SV2C: variants seen among roughly 807,000 people sequenced by gnomAD.
The protein encoded by SV2C is synaptic vesicle glycoprotein 2C, also known as solute carrier family 22 member B3.
In SV2C, 49 loss-of-function variants were observed where a neutral mutation model predicts 79.7. That is an observed-to-expected ratio of 0.61 (90% confidence interval 0.49 to 0.78). SV2C has a LOEUF of 0.78. SV2C is among the 30% of genes least tolerant of loss of function. The pLI, the probability that SV2C is intolerant of heterozygous loss-of-function variation, is 0.00. For synonymous variants in SV2C, 334 were observed against 333.2 expected (o/e 1.00, Z -0.03); for missense variants, 833 against 912.9 (o/e 0.91, Z 1.13).
chr5:76,219,352 TC>T (rs1745000903), intron 4 of SV2C, among the ~76,000 whole-genome samples: 1 of 152,240 alleles, frequency 6.6e-6, no homozygotes, highest in African/African-American at 2.4e-5. Flanking sequence ...GCTTCCGATT[TC>T]CTTCAGTGAT....
intron 2 of SV2C, among the ~76,000 whole-genome samples, chr5:76,134,571 C>T (rs1264640862): frequency 6.6e-6 from 1 of 152,128 alleles, no homozygotes; most frequent in Non-Finnish European, 1.5e-5. Context: ...GTGTCATTTT[C>T]CTCAAGGAAG....
the SV2C span, among the ~76,000 whole-genome samples, chr5:75,867,043 C>T: frequency 2.1e-4 from 32 of 152,184 alleles, no homozygotes; most frequent in African/African-American, 7.0e-4. Flanking sequence ...AGGGCAGCCA[C>T]AGTGGGAAAA....
At chr5:76,308,648 G>A (rs559183124) in intron 12 of SV2C, among the ~76,000 whole-genome samples, 122 of 151,474 alleles carry the variant, frequency 8.1e-4, no homozygotes, top group African/African-American at 2.8e-3. Context: ...TGGCATTTCT[G>A]GGTTGGCAAC....
intron 2 of SV2C, among the ~76,000 whole-genome samples, chr5:76,180,467 G>A (rs1361105711): frequency 6.6e-6 from 1 of 152,198 alleles, no homozygotes; most frequent in African/African-American, 2.4e-5. Context: ...TGCGGCTGTG[G>A]TTTCAAGGCA....
chr5:76,214,160 G>T (rs141396611), intron 4 of SV2C, among the ~76,000 whole-genome samples: 657 of 152,232 alleles, frequency 4.3e-3, no homozygotes, highest in African/African-American at 0.015. Context: ...CAGTTTTATA[G>T]TTCTGAACTT....
At chr5:76,067,422 A>G in the SV2C span, among the ~76,000 whole-genome samples, 5 of 152,122 alleles carry the variant, frequency 3.3e-5, no homozygotes, top group South Asian at 1.0e-3. Flanking sequence ...GAAGCAGTCA[A>G]TGAATTATTA....
chr5:76,307,745 T>C lies in SV2C; in HGVS notation c.2000+6200T>C, dbSNP rs577608935. On this transcript the variant is annotated intron_variant, in intron 12 of 12. Transcript: ENST00000502798. ...TAGTTTCCATTGTTCTGTCTTCCAG[T>C]TCACTGGTTCTTTCCTCTGTCTCCT... Among the ~76,000 whole-genome samples, 7 of 152,326 alleles carry C rather than the reference T, an allele frequency of 4.6e-5. No homozygotes were observed. In the East Asian group the frequency reaches 1.3e-3, roughly 29 times the overall value.
chr5:76,150,751 C>T (rs1749580360), intron 2 of SV2C, among the ~76,000 whole-genome samples: 1 of 149,962 alleles, frequency 6.7e-6, no homozygotes, highest in Non-Finnish European at 1.5e-5. Context: ...GATCCTCCCA[C>T]CTCAGCCTCC....
At chr5:76,263,690 C>G (rs1746554635) in intron 4 of SV2C, among the ~76,000 whole-genome samples, 1 of 152,126 alleles carries the variant, frequency 6.6e-6, no homozygotes, top group Admixed American at 6.5e-5. Flanking sequence ...ATTTGCTTGT[C>G]TGTAAAGGAT....
At chr5:76,202,240 T>C (rs575904041) in intron 3 of SV2C, among the ~76,000 whole-genome samples, 7 of 152,314 alleles carry the variant, frequency 4.6e-5, no homozygotes, top group Non-Finnish European at 7.3e-5. Flanking sequence ...AACACCTCTA[T>C]AGTGCTTGCC....
chr5:76,286,525 T>C (rs1230936307), intron 6 of SV2C, among the ~76,000 whole-genome samples: 1 of 151,950 alleles, frequency 6.6e-6, no homozygotes, highest in Non-Finnish European at 1.5e-5. Context: ...AAATTATTTA[T>C]TGAAAACAAA....
intron 4 of SV2C, among the ~76,000 whole-genome samples, chr5:76,233,363 T>C (rs1258504046): frequency 1.0e-4 from 14 of 140,676 alleles, no homozygotes; most frequent in South Asian, 2.2e-4. Flanking sequence ...GTTTTCTAGA[T>C]ATACAATCAC....
At chr5:76,232,405 G>A (rs1169379710) in intron 4 of SV2C, among the ~76,000 whole-genome samples, 1 of 149,262 alleles carries the variant, frequency 6.7e-6, no homozygotes, top group Non-Finnish European at 1.5e-5. Flanking sequence ...TCACTCTGAT[G>A]GTAGTTTCTT....
intron 1 of SV2C, among the ~76,000 whole-genome samples, chr5:76,124,985 C>T (rs1181279340): frequency 2.0e-5 from 3 of 152,112 alleles, no homozygotes; most frequent in Non-Finnish European, 4.4e-5. Flanking sequence ...TTTATATATG[C>T]AAACAGGTTT....
chr5:75,873,660 C>G, the SV2C span, among the ~76,000 whole-genome samples: 2 of 152,160 alleles, frequency 1.3e-5, no homozygotes, highest in Admixed American at 1.3e-4. Context: ...AAAAAAATTA[C>G]AGGAAACATT....
chr5:76,256,010 T>G (rs963623896), intron 4 of SV2C, among the ~76,000 whole-genome samples: 1 of 152,228 alleles, frequency 6.6e-6, no homozygotes, highest in Admixed American at 6.5e-5. Context: ...TGTGCTAGGT[T>G]GTTTTTATGA....
chr5:76,302,630 CAAAA>C (rs60732488), intron 12 of SV2C, among the ~76,000 whole-genome samples: 2 of 68,854 alleles, frequency 2.9e-5, no homozygotes. Context: ...GACTCCATCT[CAAAA>C]AAAAAAAAAA....
chr5:76,292,695 A>T (rs931921752), intron 8 of SV2C, among the ~76,000 whole-genome samples: 2 of 152,214 alleles, frequency 1.3e-5, no homozygotes, highest in East Asian at 3.8e-4. Context: ...TCACTGATGT[A>T]TATTCCTGGC....
the SV2C span, among the ~76,000 whole-genome samples, chr5:76,046,324 C>T: frequency 6.6e-6 from 1 of 152,098 alleles, no homozygotes; most frequent in Non-Finnish European, 1.5e-5. Context: ...AAAATAAAGA[C>T]ACAAGGAAAG....
Sources: gnomAD v4.1 joint callset for allele counts (sites outside exome capture counted in the v4.1 genomes callset) on GRCh38, gnomAD v4.1.1 for gene constraint, MANE v1.5 for transcripts, NCBI Gene and HGNC (gene_info 2026-07-23, HGNC 2026-07-21) for gene names.